LRMDA: variants seen among roughly 807,000 people sequenced by gnomAD.
LRMDA encodes the protein leucine-rich melanocyte differentiation-associated protein.
A neutral mutation model predicts 29.8 loss-of-function variants in LRMDA; 18 were observed. The observed-to-expected ratio is 0.60, with a 90% CI of 0.42 to 0.90. The LOEUF is 0.90. Ranked by LOEUF, LRMDA falls within the 40% of genes least tolerant of loss-of-function variation. LRMDA has a pLI of 0.00. For synonymous variants in LRMDA, 125 were observed against 109.4 expected, an observed-to-expected ratio of 1.14 and a Z score of -0.89; for missense variants, 273 against 273.9, an observed-to-expected ratio of 1.00 and a Z score of 0.02.
chr10:76,161,458 C>T (rs558339043), intron 5 of LRMDA, among the ~76,000 whole-genome samples: 1 of 152,312 alleles, frequency 6.6e-6, no homozygotes, highest in Non-Finnish European at 1.5e-5. Context: ...CTTTCTTCTT[C>T]ACGTCAGAAA....
At position 75,736,340 on chromosome 10, in the gene LRMDA, G is replaced by A. The variant is rs183429660; in HGVS notation, c.131+297846G>A. Among the ~76,000 whole-genome samples the A allele has an allele frequency of 2.9e-3, 448 of 152,316 alleles. 3 individuals are homozygous for A. Among genetic ancestry groups the A allele is most frequent in the African/African-American group, 0.01 (421 of 41,570 alleles). ...TAATTTTCAGTGCTCAGATCTCTGT[G>A]TAGTATTGATGGGGAGGGTGGTTGA... On this transcript the variant is annotated intron_variant, in intron 2 of 6. Transcript: ENST00000611255.
chr10:75,972,481 GA>G lies in LRMDA; in HGVS notation c.132-63522del, dbSNP rs1370207059. On this transcript the variant is annotated intron_variant, in intron 2 of 6. Transcript: ENST00000611255. Reference sequence around the variant, plus strand: ...TTAAAAATTCATCTGAAGCGTTTTTGAAAAACAATACAAAAAACCTCTCTCT... The same window carrying G: ...TTAAAAATTCATCTGAAGCGTTTTTGAAAACAATACAAAAAACCTCTCTCT... 1.4e-4 allele frequency among the ~76,000 whole-genome samples: 22 copies of G among 152,152 alleles called. No homozygotes were observed. In the East Asian group the frequency reaches 3.9e-3, roughly 27 times the overall value.
At chr10:75,879,910 C>G (rs1314284082) in intron 2 of LRMDA, among the ~76,000 whole-genome samples, 1 of 152,154 alleles carries the variant, frequency 6.6e-6, no homozygotes, top group Non-Finnish European at 1.5e-5. Flanking sequence ...GAACTCACAA[C>G]TTGTTTGCCA....
chr10:76,153,981 G>A (rs1227998044), intron 5 of LRMDA, among the ~76,000 whole-genome samples: 3 of 152,202 alleles, frequency 2.0e-5, no homozygotes, highest in African/African-American at 7.2e-5. Flanking sequence ...TGATATCACA[G>A]CGATTGATTA....
At chr10:76,087,190 T>C (rs894787504) in intron 5 of LRMDA, among the ~76,000 whole-genome samples, 3 of 152,136 alleles carry the variant, frequency 2.0e-5, no homozygotes, top group African/African-American at 7.2e-5. Context: ...AGGGGTAGTC[T>C]CGTTGTAGCA....
chr10:75,526,638 A>G (rs1845415953), intron 2 of LRMDA, among the ~76,000 whole-genome samples: 1 of 151,966 alleles, frequency 6.6e-6, no homozygotes, highest in South Asian at 2.1e-4. Flanking sequence ...GGATTGCTTG[A>G]GCCCAGGAGT....
chr10:76,488,976 G>A lies in LRMDA; in HGVS notation c.602-68233G>A, dbSNP rs568544325. Among the ~76,000 whole-genome samples, 23 of 151,278 alleles carry A rather than the reference G, an allele frequency of 1.5e-4. No homozygotes were observed. In the South Asian group the frequency reaches 4.8e-3, roughly 31 times the overall value. ...TTCTGTTTTTGATGTGTCTTCATCTGGTTTTGATGTGTCTTCATCTGGTTT... is the reference window on the plus strand; with the variant it reads ...TTCTGTTTTTGATGTGTCTTCATCTAGTTTTGATGTGTCTTCATCTGGTTT... On this transcript the variant is annotated intron_variant, in intron 6 of 6. Coordinates refer to ENST00000611255, the MANE Select transcript of LRMDA (RefSeq NM_001305581.2).
intron 2 of LRMDA, among the ~76,000 whole-genome samples, chr10:75,854,679 C>T (rs1193749689): frequency 1.3e-5 from 2 of 152,016 alleles, no homozygotes; most frequent in African/African-American, 4.8e-5. Context: ...TAACTCGTCA[C>T]TTAACATTAA....
At chr10:76,477,429 A>ACG (rs1842686319) in intron 6 of LRMDA, among the ~76,000 whole-genome samples, 2 of 152,116 alleles carry the variant, frequency 1.3e-5, no homozygotes, top group South Asian at 2.1e-4. Flanking sequence ...AGAATATTCC[A>ACG]TGCTCATGGA....
chr10:76,426,428 C>T (rs1432680427), intron 6 of LRMDA, among the ~76,000 whole-genome samples: 2 of 152,170 alleles, frequency 1.3e-5, no homozygotes, highest in African/African-American at 4.8e-5. Context: ...TCATATCCTT[C>T]ACCCACTTTT....
intron 2 of LRMDA, among the ~76,000 whole-genome samples, chr10:75,562,121 G>GTCTAATA (rs1486416725): frequency 6.6e-6 from 1 of 151,998 alleles, no homozygotes; most frequent in Non-Finnish European, 1.5e-5. Flanking sequence ...GTCTAATGTT[G>GTCTAATA]ACAGTGGGGT....
At chr10:76,427,903 T>C (rs935467506) in intron 6 of LRMDA, among the ~76,000 whole-genome samples, 16 of 152,166 alleles carry the variant, frequency 1.1e-4, no homozygotes, top group African/African-American at 3.4e-4. Flanking sequence ...TGCTGGATTA[T>C]GTCTATTGAT....
intron 6 of LRMDA, among the ~76,000 whole-genome samples, chr10:76,395,576 C>T (rs1841774335): frequency 6.6e-6 from 1 of 152,240 alleles, no homozygotes; most frequent in Non-Finnish European, 1.5e-5. Flanking sequence ...ATTGCCTCCA[C>T]ACCACATGAA....
intron 2 of LRMDA, among the ~76,000 whole-genome samples, chr10:75,608,566 T>C (rs1028136990): frequency 2.6e-5 from 4 of 152,200 alleles, no homozygotes; most frequent in African/African-American, 7.2e-5. Flanking sequence ...AGTTCACTAA[T>C]GTACATGTAT....
intron 5 of LRMDA, among the ~76,000 whole-genome samples, chr10:76,066,441 A>G (rs1848786960): frequency 6.6e-6 from 1 of 152,256 alleles, no homozygotes; most frequent in East Asian, 1.9e-4. Flanking sequence ...ACCTAAAATT[A>G]CAGAGCAAGG....
chr10:76,363,392 A>G (rs1450270998), intron 6 of LRMDA, among the ~76,000 whole-genome samples: 1 of 152,198 alleles, frequency 6.6e-6, no homozygotes, highest in Non-Finnish European at 1.5e-5. Flanking sequence ...TTATTTGCAG[A>G]TGAAATTATC....
chr10:76,277,993 G>A (rs1840157446), intron 5 of LRMDA, among the ~76,000 whole-genome samples: 1 of 152,138 alleles, frequency 6.6e-6, no homozygotes, highest in Non-Finnish European at 1.5e-5. Flanking sequence ...TTAGTTTTCT[G>A]TGTTTCATTT....
intron 5 of LRMDA, among the ~76,000 whole-genome samples, chr10:76,227,020 A>G (rs2132267287): frequency 6.6e-6 from 1 of 152,346 alleles, no homozygotes; most frequent in East Asian, 1.9e-4. Context: ...ACTTTAGAAA[A>G]AAATATTATG....
In LRMDA at chr10:76,118,840, CTTTTTTTTTTTT is replaced by C. The variant is rs962279433; in HGVS notation, c.516+60071_516+60082del. Among the ~76,000 whole-genome samples the C allele has an allele frequency of 1.3e-4, 6 of 46,008 alleles. No individual in the cohort carries two copies. The East Asian group carries it at 2.9e-3, about 22-fold the overall frequency. 30.2% of individuals were successfully genotyped at this position (46,008 alleles called of 152,430 possible). A position where few individuals can be genotyped will look rare whatever the true frequency, so the allele number is the denominator to read the frequency against. On this transcript the variant is annotated intron_variant, in intron 5 of 6. Coordinates refer to ENST00000611255, the MANE Select transcript of LRMDA (RefSeq NM_001305581.2). ...AGAAAAATCAGCCTGTGCAAATACA[CTTTTTTTTTTTT>C]TTTTTTTTTTTTTGAGCAGTGATTT...
Sources: allele counts gnomAD v4.1 joint callset (sites outside exome capture counted in the v4.1 genomes callset), GRCh38; gene constraint gnomAD v4.1.1; transcripts MANE v1.5; gene names NCBI Gene and HGNC (gene_info 2026-07-23, HGNC 2026-07-21).